The following OXR1 variants were observed in gnomAD, a reference collection of about 807,000 sequenced individuals.
OXR1 encodes oxidation resistance 1, also known as oxidation resistance protein 1.
In OXR1, 41 loss-of-function variants were observed where a neutral mutation model predicts 104.6. That is an observed-to-expected ratio of 0.39 (90% CI 0.31 to 0.51). The LOEUF (loss-of-function observed/expected upper bound fraction) is 0.51. Ranked by LOEUF, OXR1 falls within the 20% of genes least tolerant of loss-of-function variation. The pLI, the probability that OXR1 is intolerant of heterozygous loss-of-function variation, is 0.77. For missense variants in OXR1, 955 were observed against 1,031.9 expected, an observed-to-expected ratio of 0.93 and a Z score of 1.02; for synonymous variants, 348 against 348.4, an observed-to-expected ratio of 1.00 and a Z score of 0.01.
intron 1 of OXR1, among the ~76,000 whole-genome samples, chr8:106,315,758 G>A (rs1300288085): frequency 6.6e-6 from 1 of 152,132 alleles, no homozygotes; most frequent in African/African-American, 2.4e-5. Flanking sequence ...TGTAGCAGTG[G>A]GTAGAGAAAA....
intron 2 of OXR1, among the ~76,000 whole-genome samples, chr8:106,518,712 A>G (rs1813037848): frequency 6.6e-6 from 1 of 152,146 alleles, no homozygotes; most frequent in Non-Finnish European, 1.5e-5. Context: ...ATCACCTTAT[A>G]TTTTAATGCA....
chr8:106,339,191 ATATTGAT>A (rs928636475), intron 1 of OXR1, among the ~76,000 whole-genome samples: 2 of 151,962 alleles, frequency 1.3e-5, no homozygotes, highest in Non-Finnish European at 2.9e-5. Flanking sequence ...TCAGCTATAA[ATATTGAT>A]AAATATAACA....
chr8:106,411,930 C>A (rs1422496473), intron 2 of OXR1, among the ~76,000 whole-genome samples: 1 of 152,130 alleles, frequency 6.6e-6, no homozygotes, highest in Non-Finnish European at 1.5e-5. Context: ...GCTCAGGATC[C>A]AGTCATGACT....
chr8:106,454,730 A>G (rs187830987), intron 2 of OXR1, among the ~76,000 whole-genome samples: 2 of 151,978 alleles, frequency 1.3e-5, no homozygotes, highest in East Asian at 1.9e-4. Context: ...TCCCCAACAT[A>G]CTCTTCCAGT....
intron 2 of OXR1, among the ~76,000 whole-genome samples, chr8:106,422,025 T>A (rs1022680950): frequency 2.0e-5 from 3 of 152,196 alleles, no homozygotes; most frequent in African/African-American, 7.2e-5. Context: ...AGTTAAAATT[T>A]AAAATTGAAT....
At chr8:106,365,965 T>G (rs1816452678) in intron 2 of OXR1, among the ~76,000 whole-genome samples, 1 of 152,130 alleles carries the variant, frequency 6.6e-6, no homozygotes, top group Non-Finnish European at 1.5e-5. Context: ...AGGTTGCAGG[T>G]TCAAACCCCA....
rs1250691018 is a variant in OXR1, at chr8:106,425,942, T to G, written c.23+66306T>G. 2.6e-5 allele frequency among the ~76,000 whole-genome samples: 4 copies of G among 152,118 alleles called. No homozygotes were observed. In the East Asian group the frequency reaches 7.7e-4, roughly 29 times the overall value. On this transcript the variant is annotated intron_variant, in intron 2 of 16. Coordinates refer to ENST00000517566, the MANE Select transcript of OXR1 (RefSeq NM_001198533.2). ...GTGCAAACTTCTTGCAGAGGAGGTATGTAAGGAACAGCAAGGGAGCTGCAA... is the reference window on the plus strand; with the variant it reads ...GTGCAAACTTCTTGCAGAGGAGGTAGGTAAGGAACAGCAAGGGAGCTGCAA...
intron 3 of OXR1, among the ~76,000 whole-genome samples, chr8:106,567,695 G>A (rs1292835488): frequency 6.6e-6 from 1 of 152,156 alleles, no homozygotes; most frequent in Non-Finnish European, 1.5e-5. Flanking sequence ...AGGACATGAA[G>A]TTTTCAGGAA....
At chr8:106,553,249 GA>G (rs1216698159) in intron 3 of OXR1, among the ~76,000 whole-genome samples, 2 of 148,564 alleles carry the variant, frequency 1.3e-5, no homozygotes, top group Non-Finnish European at 3.0e-5. Context: ...TCATACTGTG[GA>G]AAAAAATAAG....
chr8:106,555,928 G>GTATATA (rs371162000), intron 3 of OXR1, among the ~76,000 whole-genome samples: 5,977 of 142,436 alleles, frequency 0.042, 235 homozygotes, highest in African/African-American at 0.092. Context: ...GTATATATAT[G>GTATATA]TACATATATA....
At chr8:106,291,756 C>A (rs1443538980) in intron 1 of OXR1, among the ~76,000 whole-genome samples, 3 of 152,136 alleles carry the variant, frequency 2.0e-5, no homozygotes, top group Non-Finnish European at 4.4e-5. Flanking sequence ...TTCCACATGG[C>A]TGGGGAGGGC....
At position 106,571,903 on chromosome 8, in the gene OXR1, T is replaced by C. The variant is rs376404989; in HGVS notation, c.220+52764T>C. ...AGTCCAAAATGTAGCAAGGCAAATA[T>C]CATCAGATCTTAAGGCTCAAAAATA... On this transcript the variant is annotated intron_variant, in intron 3 of 16. Transcript: ENST00000517566. 2.8e-3 allele frequency among the ~76,000 whole-genome samples: 426 copies of C among 152,238 alleles called. 3 individuals are homozygous for C. The highest frequency in any genetic ancestry group is 8.3e-3 in the African/African-American group (346 of 41,556).
chr8:106,410,909 A>G (rs1818432668), intron 2 of OXR1, among the ~76,000 whole-genome samples: 1 of 152,138 alleles, frequency 6.6e-6, no homozygotes, highest in South Asian at 2.1e-4. Context: ...TCATTTGTTC[A>G]GAAATGTTTA....
rs143107387 is a variant in OXR1, at chr8:106,351,690, T to C, written c.-138-7786T>C. 7.9e-3 allele frequency among the ~76,000 whole-genome samples: 1,203 copies of C among 152,258 alleles called. 62 individuals carry two copies. The highest frequency in any genetic ancestry group is 0.067 in the Admixed American group (1,023 of 15,294). ...CTTGTGAACCATCTCAGGGAACTGA[T>C]ACTTTACTGCGAGGGCAATATAGAG... is the stretch of plus-strand genomic sequence containing the variant. On this transcript the variant is annotated intron_variant, in intron 1 of 16. Transcript: ENST00000517566.
chr8:106,296,795 T>C (rs1447299563), intron 1 of OXR1, among the ~76,000 whole-genome samples: 1 of 152,228 alleles, frequency 6.6e-6, no homozygotes, highest in Non-Finnish European at 1.5e-5. Context: ...AAGATAACAC[T>C]GGAACAAGAG....
At chr8:106,417,725 C>T (rs1043119938) in intron 2 of OXR1, among the ~76,000 whole-genome samples, 2 of 152,162 alleles carry the variant, frequency 1.3e-5, no homozygotes, top group Non-Finnish European at 2.9e-5. Flanking sequence ...AGTGTTACTA[C>T]TATAGTGCTT....
intron 3 of OXR1, among the ~76,000 whole-genome samples, chr8:106,599,814 A>G (rs1175740881): frequency 6.6e-6 from 1 of 151,990 alleles, no homozygotes. Flanking sequence ...CAGAGAGACA[A>G]TTTTTCCAGG....
At chr8:106,562,058 C>T (rs1816724686) in intron 3 of OXR1, among the ~76,000 whole-genome samples, 1 of 152,210 alleles carries the variant, frequency 6.6e-6, no homozygotes, top group Admixed American at 6.5e-5. Flanking sequence ...ATCCAGAATG[C>T]CTCTTCTTCT....
intron 11 of OXR1, chr8:106,726,084 A>T: frequency 8.6e-7 from 1 of 1,164,628 alleles, no homozygotes; most frequent in Non-Finnish European, 1.1e-6. Context: ...CTACTTAGTG[A>T]TTAGCTCTCT....
Sources: gnomAD v4.1 joint callset for allele counts (sites outside exome capture counted in the v4.1 genomes callset) on GRCh38, gnomAD v4.1.1 for gene constraint, MANE v1.5 for transcripts, NCBI Gene and HGNC (gene_info 2026-07-23, HGNC 2026-07-21) for gene names.